COX5A: variants seen among roughly 807,000 people sequenced by gnomAD.
COX5A encodes the protein cytochrome c oxidase subunit 5A, mitochondrial.
A neutral mutation model predicts 16.1 loss-of-function variants in COX5A; 6 were observed. The observed-to-expected ratio is 0.37, with a 90% CI of 0.20 to 0.73. The LOEUF (loss-of-function observed/expected upper bound fraction) is 0.73. Ranked by LOEUF, COX5A falls within the 30% of genes least tolerant of loss-of-function variation. The pLI is 0.50. For missense variants in COX5A, 159 were observed against 194.9 expected (o/e 0.82, Z 1.10); for synonymous variants, 73 against 73.8 (o/e 0.99, Z 0.06).
Position 74,920,155 on chromosome 15 carries a change from A to G in COX5A, c.*297T>C. 4.0e-6 allele frequency: 2 copies of G among 503,414 alleles called. No individual in the cohort carries two copies. The highest frequency in any genetic ancestry group is 6.8e-6 in the Non-Finnish European group (2 of 292,188). 31.2% of individuals were successfully genotyped at this position (503,414 alleles called of 1,614,324 possible). A position where few individuals can be genotyped will look rare whatever the true frequency, so the allele number is the denominator to read the frequency against. ...TATTAATGAAGCTGATTTTCATGTC[A>G]GATGGTTTCCAGAGAATTAACACAG... On this transcript the variant is annotated 3_prime_UTR_variant, in exon 5 of 5. Coordinates refer to ENST00000322347, the MANE Select transcript of COX5A (RefSeq NM_004255.4).
intron 4 of COX5A, among the ~76,000 whole-genome samples, chr15:74,921,725 G>GT (rs1173758236): frequency 6.6e-6 from 1 of 152,168 alleles, no homozygotes; most frequent in Non-Finnish European, 1.5e-5. Flanking sequence ...GTGAGACTCC[G>GT]TCTCAAAACA....
intron 1 of COX5A, among the ~76,000 whole-genome samples, chr15:74,934,135 G>C (rs779344958): frequency 1.3e-5 from 2 of 152,178 alleles, no homozygotes; most frequent in Non-Finnish European, 2.9e-5. Flanking sequence ...GGTGGTCCCA[G>C]CTACTCAGGA....
chr15:74,936,785 C>A (rs1226112056), intron 1 of COX5A, among the ~76,000 whole-genome samples: 3 of 151,934 alleles, frequency 2.0e-5, no homozygotes, highest in Non-Finnish European at 4.4e-5. Flanking sequence ...CACCACCACA[C>A]CCAGCTAAAT....
chr15:74,936,622 CTTTT>C (rs1021836626), intron 1 of COX5A, among the ~76,000 whole-genome samples: 5 of 112,420 alleles, frequency 4.4e-5, no homozygotes, highest in African/African-American at 1.8e-4. Context: ...AAAACATATT[CTTTT>C]TTTTTTTTTT....
rs561670311 is a variant in COX5A at position 74,929,322 on chromosome 15, T to C, written c.101-90A>G. On this transcript the variant is annotated intron_variant, in intron 1 of 4. Coordinates refer to ENST00000322347, the MANE Select transcript of COX5A (RefSeq NM_004255.4). The stretch of plus-strand genomic sequence containing the variant: ...CATTAAATTTTGAGTTGACTATATA[T>C]GTTGTGGCAGCAAAAATATTGAACA... 24 of 834,816 alleles carry C rather than the reference T, an allele frequency of 2.9e-5. No individual in the cohort carries two copies. The East Asian group carries it at 5.4e-4, about 19-fold the overall frequency. The allele number at this position is 834,816 out of a possible 1,614,324, so 51.7% of individuals were successfully genotyped here.
intron 1 of COX5A, among the ~76,000 whole-genome samples, chr15:74,931,827 T>G (rs1156956542): frequency 6.6e-6 from 1 of 152,130 alleles, no homozygotes; most frequent in Non-Finnish European, 1.5e-5. Context: ...GTGCTGGGAT[T>G]ACAGACGCGA....
At chr15:74,933,451 CTATCTATCTATCTATG>C (rs1566981982) in intron 1 of COX5A, among the ~76,000 whole-genome samples, 26 of 130,070 alleles carry the variant, frequency 2.0e-4, no homozygotes, top group Middle Eastern at 4.0e-3. Context: ...ATCTATCTAT[CTATCTATCTATCTATG>C]TAAAAACATA....
At chr15:74,937,813 G>C (rs1375872945) in intron 1 of COX5A, 102 bp downstream of exon 1, 10 of 710,460 alleles carry the variant, frequency 1.4e-5, no homozygotes, top group Non-Finnish European at 1.8e-5. Context: ...AACCAGGGTA[G>C]GGCAAGGGCT....
In COX5A at chr15:74,937,919, G is replaced by T. The variant is rs889282977; in HGVS notation, c.96C>A (p.Ala32=). ...AGTGGCAAGCAGGGGCCTTACCCACGGCGGGGCCGGGGGTCCGGGCGGAGT... is the reference window on the plus strand; with the variant it reads ...AGTGGCAAGCAGGGGCCTTACCCACTGCGGGGCCGGGGGTCCGGGCGGAGT... ...LLHSARTPGP[A]VAIQSVRCYS... Residue 32 remains alanine, a synonymous_variant, in exon 1 of 5, where the codon GCC becomes GCA. Coordinates refer to ENST00000322347, the MANE Select transcript of COX5A (RefSeq NM_004255.4). 8.1e-7 allele frequency: 1 copy of T among 1,231,976 alleles called. No homozygotes were observed. The highest frequency in any genetic ancestry group is 1.0e-6 in the Non-Finnish European group (1 of 986,798). The allele number at this position is 1,231,976 out of a possible 1,614,324, so 76.3% of individuals were successfully genotyped here. A position where few individuals can be genotyped will look rare whatever the true frequency, so the allele number is the denominator to read the frequency against.
rs765384044 is a variant in COX5A, at chr15:74,926,790, T to C, written c.315A>G (p.Thr105=). 5.6e-6 allele frequency: 9 copies of C among 1,612,924 alleles called. No homozygotes were observed. The highest frequency in any genetic ancestry group is 3.3e-5 in the South Asian group (3 of 90,790). The change falls in exon 3 of 5, where the codon ACA becomes ACG. Residue 105 remains threonine, a synonymous_variant. Coordinates refer to ENST00000322347, the MANE Select transcript of COX5A (RefSeq NM_004255.4). ...ACRRLNDFAS[T]VRILEVVKDK... ...CCTTAACAACCTCTAGGATACGAAC[T>C]GTACTAGCAAAATCATTTAACCGTC...
chr15:74,924,519 T>TC, intron 3 of COX5A, among the ~76,000 whole-genome samples: 1 of 120,844 alleles, frequency 8.3e-6, no homozygotes, highest in Non-Finnish European at 2.0e-5. Context: ...AGACTCTGTC[T>TC]CAAAAAAATA....
intron 2 of COX5A, among the ~76,000 whole-genome samples, chr15:74,928,444 G>A (rs1275557800): frequency 6.6e-6 from 1 of 151,982 alleles, no homozygotes; most frequent in East Asian, 1.9e-4. Context: ...GAGTGCAGTG[G>A]CGCGATCTCG....
chr15:74,932,232 G>T lies in COX5A; in HGVS notation c.101-3000C>A, dbSNP rs372688327. Among the ~76,000 whole-genome samples, 224 of 152,300 alleles carry T rather than the reference G, an allele frequency of 1.5e-3. 14 individuals carry two copies. In the South Asian group the frequency reaches 0.045, roughly 31 times the overall value. On this transcript the variant is annotated intron_variant, in intron 1 of 4. Coordinates refer to ENST00000322347, the MANE Select transcript of COX5A (RefSeq NM_004255.4). ...CTATTTATAGAAATCATAACTTAAA[G>T]AAATGAAACCTATCTCAAATCACAT... is the stretch of plus-strand genomic sequence containing the variant.
At chr15:74,927,469 C>T (rs2065349426) in intron 2 of COX5A, among the ~76,000 whole-genome samples, 1 of 152,108 alleles carries the variant, frequency 6.6e-6, no homozygotes, top group Non-Finnish European at 1.5e-5. Context: ...GCCACCACAT[C>T]CGGCCCTCCT....
At chr15:74,926,197 A>G (rs2065342804) in intron 3 of COX5A, among the ~76,000 whole-genome samples, 1 of 147,196 alleles carries the variant, frequency 6.8e-6, no homozygotes, top group Non-Finnish European at 1.5e-5. Flanking sequence ...CTGCCACCAC[A>G]CCCGGCTAAT....
intron 3 of COX5A, among the ~76,000 whole-genome samples, chr15:74,926,419 A>G (rs1320691488): frequency 1.3e-5 from 2 of 149,548 alleles, no homozygotes; most frequent in African/African-American, 2.5e-5. Flanking sequence ...TGCATGATCC[A>G]CCCGCCTTAG....
rs758503448 is a variant in COX5A, at chr15:74,923,738, G to A, written c.372C>T (p.Pro124=). 6.2e-7 allele frequency: 1 copy of A among 1,610,762 alleles called. No homozygotes were observed. Among genetic ancestry groups the A allele is most frequent in the Admixed American group, 1.7e-5 (1 of 60,002 alleles). Residue 124 remains proline (P), a synonymous_variant, in exon 4 of 5, where the codon CCC becomes CCT. Transcript: ENST00000322347. ...TTGGTCTAAGTTCCTGGATGACATAGGGGTAGATTTCCTTATGAGGTCCTG... is the reference window on the plus strand; with the variant it reads ...TTGGTCTAAGTTCCTGGATGACATAAGGGTAGATTTCCTTATGAGGTCCTG... ...DKAGPHKEIY[P]YVIQELRPTL...
intron 3 of COX5A, 92 bp from the exon 4 acceptor site, chr15:74,923,862 T>C: frequency 1.3e-6 from 1 of 792,426 alleles, no homozygotes. Context: ...TAATTACTTA[T>C]GCAGAGGCAG....
At chr15:74,926,510 A>G (rs76327323) in intron 3 of COX5A, among the ~76,000 whole-genome samples, 1 of 151,936 alleles carries the variant, frequency 6.6e-6, no homozygotes, top group Admixed American at 6.6e-5. Flanking sequence ...AAAAAAAAAA[A>G]AGAGAGAAAA....
Sources: allele counts gnomAD v4.1 joint callset (sites outside exome capture counted in the v4.1 genomes callset), GRCh38; gene constraint gnomAD v4.1.1; transcripts MANE v1.5; gene names NCBI Gene and HGNC (gene_info 2026-07-23, HGNC 2026-07-21).